Variants in DNAH7 observed in about 807,000 individuals in gnomAD.
DNAH7 encodes dynein axonemal heavy chain 7, also known as axonemal beta dynein heavy chain 7.
Under a neutral mutation model 444.6 loss-of-function variants are expected in DNAH7, and 397 were observed. The ratio of observed to expected loss-of-function variants is 0.89; its 90% CI spans 0.82 to 0.97. The LOEUF (loss-of-function observed/expected upper bound fraction) is 0.97. DNAH7 is among the 50% of genes least tolerant of loss of function. DNAH7 has a pLI of 0.00. For missense variants in DNAH7, 4,902 were observed against 4,800.8 expected (o/e 1.02, Z -0.62); for synonymous variants, 1,636 against 1,624.4 (o/e 1.01, Z -0.17).
Position 195,821,953 on chromosome 2 carries a change from C to T in DNAH7, c.9291+2302G>A, listed in dbSNP as rs906020488. 4.6e-5 allele frequency among the ~76,000 whole-genome samples: 7 copies of T among 152,104 alleles called. 1 individual carries two copies. The highest frequency in any genetic ancestry group is 4.6e-4 in the Admixed American group (7 of 15,270). On this transcript the variant is annotated intron_variant, in intron 49 of 64. Coordinates refer to ENST00000312428, the MANE Select transcript of DNAH7 (RefSeq NM_018897.3). ...TGCAAAACCCCTAGGAAGATGATTCCCTCCTTCCGCCCACACCTAGGCACC... is the reference window on the plus strand; with the variant it reads ...TGCAAAACCCCTAGGAAGATGATTCTCTCCTTCCGCCCACACCTAGGCACC...
chr2:195,757,825 G>A (rs1040915862), intron 61 of DNAH7, among the ~76,000 whole-genome samples: 4 of 152,166 alleles, frequency 2.6e-5, no homozygotes, highest in African/African-American at 4.8e-5. Flanking sequence ...AAAGTGGGGC[G>A]AGGAGGGCAG....
chr2:196,004,701 G>A (rs746190641), intron 10 of DNAH7, among the ~76,000 whole-genome samples: 3 of 151,906 alleles, frequency 2.0e-5, no homozygotes, highest in Non-Finnish European at 4.4e-5. Flanking sequence ...AATAATCCCA[G>A]CACTTTGGGA....
At position 195,738,070 on chromosome 2, in the gene DNAH7, G is replaced by A; in HGVS notation, c.11926C>T (p.Pro3976Ser). 1 of 1,613,974 alleles carries A rather than the reference G, an allele frequency of 6.2e-7. No homozygotes were observed. The highest frequency in any genetic ancestry group is 8.5e-7 in the Non-Finnish European group (1 of 1,179,874). ...DIPKRPSYVA[P>S]LYKTSERRGV... ...CTCCGCTCACTTGTCTTATACAATG[G>A]AGCAACATAACTTGGCCGTTTTGGT... Residue 3976 changes from proline to serine, a missense_variant, in exon 65 of 65, where the codon CCA (proline) becomes TCA (serine). By Grantham distance (74) the Pro-to-Ser change is moderately conservative (BLOSUM62 -1). Transcript: ENST00000312428.
chr2:196,045,304 A>G (rs1645442513), intron 5 of DNAH7, among the ~76,000 whole-genome samples: 2 of 134,702 alleles, frequency 1.5e-5, no homozygotes, highest in East Asian at 4.5e-4. Context: ...GAAAAGAAAA[A>G]AGAAAAAAAA....
intron 21 of DNAH7, among the ~76,000 whole-genome samples, chr2:195,934,033 GT>G (rs1473758898): frequency 1.3e-5 from 2 of 151,616 alleles, no homozygotes; most frequent in African/African-American, 4.9e-5. Context: ...AAAAAACTGA[GT>G]GCTCAATCTT....
rs375862006 is a variant in DNAH7 at position 196,068,648 on chromosome 2, T to G, written c.15+49A>C. On this transcript the variant is annotated intron_variant, in intron 1 of 64. Transcript: ENST00000312428. ...GGGCTTCCACCACTTCCGAAACGCC[T>G]GGGAAGCGTCGCGGCGGCGGCGAGC... is the stretch of plus-strand genomic sequence containing the variant. 1.2e-5 allele frequency: 18 copies of G among 1,549,722 alleles called. No homozygotes were observed. In the African/African-American group the frequency reaches 2.5e-4, roughly 21 times the overall value.
At chr2:195,917,774 C>A (rs1400227770) in intron 24 of DNAH7, among the ~76,000 whole-genome samples, 3 of 152,170 alleles carry the variant, frequency 2.0e-5, no homozygotes, top group African/African-American at 7.2e-5. Context: ...CCTGCCTCAG[C>A]CTTCAATGTA....
chr2:196,020,195 G>T (rs1049698143), intron 8 of DNAH7, among the ~76,000 whole-genome samples: 1 of 151,960 alleles, frequency 6.6e-6, no homozygotes. Context: ...GGCTGTTTAT[G>T]TTATCAGTAA....
chr2:195,761,979 G>A (rs949802583), intron 61 of DNAH7, among the ~76,000 whole-genome samples: 2 of 152,100 alleles, frequency 1.3e-5, no homozygotes, highest in Admixed American at 1.3e-4. Context: ...CTCATATCTT[G>A]AGGAGAAAGA....
rs184623045 is a variant in DNAH7, at chr2:195,817,869, C to G, written c.9292-40G>C. The stretch of plus-strand genomic sequence containing the variant: ...ATATACAAAAATTACATCATTATTT[C>G]TGTTAAAAAGTCTCTGCTTTTATGT... On this transcript the variant is annotated intron_variant, in intron 49 of 64. Transcript: ENST00000312428. The G allele has an allele frequency of 5.0e-5, 73 of 1,463,534 alleles. No homozygotes were observed. The East Asian group carries it at 1.6e-3, about 32-fold the overall frequency. 90.7% of individuals were successfully genotyped at this position (1,463,534 alleles called of 1,614,324 possible).
At chr2:196,010,290 C>T (rs1346385915) in intron 10 of DNAH7, among the ~76,000 whole-genome samples, 3 of 151,990 alleles carry the variant, frequency 2.0e-5, no homozygotes, top group Non-Finnish European at 4.4e-5. Flanking sequence ...GCTGGGATTA[C>T]AGGTGTGCGC....
At chr2:195,888,151 A>T in intron 33 of DNAH7, 107 bp downstream of exon 33, 1 of 922,054 alleles carries the variant, frequency 1.1e-6, no homozygotes, top group Non-Finnish European at 1.6e-6. Context: ...AAAGGTTTTG[A>T]TTTAATATCT....
rs1293448950 is a variant in DNAH7, at chr2:196,026,905, T to A, written c.522A>T (p.Thr174=). The A allele has an allele frequency of 3.1e-6, 5 of 1,611,786 alleles. No individual in the cohort carries two copies. The highest frequency in any genetic ancestry group is 3.3e-5 in the Admixed American group (2 of 59,918). The change falls in exon 7 of 65, where the codon ACA becomes ACT. Residue 174 remains threonine, a synonymous_variant. Coordinates refer to ENST00000312428, the MANE Select transcript of DNAH7 (RefSeq NM_018897.3). The part of the protein sequence containing the change: ...YYYYIHHGID[T]DHVAPMEDSW... The stretch of plus-strand genomic sequence containing the variant: ...AATCTTCCATTGGGGCTACATGGTC[T>A]GTATCAATTCCATGGTGAATATAAT...
In DNAH7 at chr2:195,809,801, C is replaced by A; in HGVS notation, c.9832G>T (p.Asp3278Tyr). ...AGACAAAAGGAAAAGAGCAGCTTATCCTTTTCAAAGAGTGACCGGCAGACA... is the reference window on the plus strand; with the variant it reads ...AGACAAAAGGAAAAGAGCAGCTTATACTTTTCAAAGAGTGACCGGCAGACA... ...VNVCRSLFEKDKLLFSFCLTI... is the reference protein window; with the variant it reads ...VNVCRSLFEKYKLLFSFCLTI... The change falls in exon 52 of 65, where the codon GAT (aspartate) becomes TAT (tyrosine). Residue 3278 changes from aspartate (D) to tyrosine (Y), a missense_variant. Asp to Tyr is a radical substitution (Grantham distance 160). Coordinates refer to ENST00000312428, the MANE Select transcript of DNAH7 (RefSeq NM_018897.3). The A allele has an allele frequency of 1.2e-6, 2 of 1,601,086 alleles. No homozygotes were observed. The highest frequency in any genetic ancestry group is 1.1e-5 in the South Asian group (1 of 89,004).
intron 25 of DNAH7, among the ~76,000 whole-genome samples, chr2:195,909,501 G>C (rs1687230087): frequency 6.6e-6 from 1 of 152,012 alleles, no homozygotes; most frequent in African/African-American, 2.4e-5. Flanking sequence ...GTAATACACT[G>C]ATTTGATCTT....
intron 44 of DNAH7, 42 bp downstream of exon 44, chr2:195,857,335 A>G (rs1014358723): frequency 2.0e-6 from 3 of 1,469,422 alleles, no homozygotes; most frequent in Admixed American, 4.6e-5. Context: ...CCAGAAGTGA[A>G]GACAGACCAT....
chr2:195,853,121 T>C (rs1372784574), intron 46 of DNAH7, among the ~76,000 whole-genome samples: 1 of 152,216 alleles, frequency 6.6e-6, no homozygotes, highest in African/African-American at 2.4e-5. Context: ...GTAGATATTT[T>C]TGTTTTTAAA....
chr2:195,771,722 G>A lies in DNAH7; in HGVS notation c.11371C>T (p.Arg3791Trp), dbSNP rs1376826448. The A allele has an allele frequency of 8.7e-6, 14 of 1,613,764 alleles. 1 individual carries two copies. Among genetic ancestry groups the A allele is most frequent in the Middle Eastern group, 1.6e-4 (1 of 6,084 alleles). The change falls in exon 61 of 65, where the codon CGG becomes TGG. Residue 3791 changes from arginine to tryptophan, a missense_variant. Coordinates refer to ENST00000312428, the MANE Select transcript of DNAH7 (RefSeq NM_018897.3). ...ATGGTCTTCAGTAACTTATTGAACC[G>A]TCCCATCTCTTGGACAAGTACAGTG... ...MNTVLVQEMG[R>W]FNKLLKTIRD...
At chr2:196,029,339 C>G (rs762777640) in intron 5 of DNAH7, among the ~76,000 whole-genome samples, 2 of 152,008 alleles carry the variant, frequency 1.3e-5, no homozygotes, top group Non-Finnish European at 2.9e-5. Context: ...AAACCTCATT[C>G]TCTGTGTGAA....
Sources: gnomAD v4.1 joint callset for allele counts (sites outside exome capture counted in the v4.1 genomes callset) on GRCh38, gnomAD v4.1.1 for gene constraint, MANE v1.5 for transcripts, NCBI Gene and HGNC (gene_info 2026-07-23, HGNC 2026-07-21) for gene names.